The following ADAMTSL3 variants were observed in gnomAD, a reference collection of about 807,000 sequenced individuals.
ADAMTSL3 encodes the protein ADAMTS-like protein 3.
Under a neutral mutation model 201.7 loss-of-function variants are expected in ADAMTSL3, and 128 were observed. The observed-to-expected ratio is 0.63, with a 90% CI of 0.55 to 0.73. ADAMTSL3 has a LOEUF of 0.73. Ranked by LOEUF, ADAMTSL3 falls within the 30% of genes least tolerant of loss-of-function variation. ADAMTSL3 has a pLI of 0.00. For missense variants in ADAMTSL3, 1,990 were observed against 2,119.6 expected (o/e 0.94, Z 1.20); for synonymous variants, 738 against 748.4 (o/e 0.99, Z 0.23).
rs149499512 is a variant in ADAMTSL3 at position 83,858,757 on chromosome 15, C to G, written c.728-9C>G. The G allele has an allele frequency of 1.5e-3, 2,475 of 1,611,034 alleles. 17 individuals are homozygous for G. In the Middle Eastern group the frequency reaches 0.015, roughly 10 times the overall value. ...GGTTTTATTGCAGTTGCGTTCTGTTCTTTCCCAGGAGAAGAAAATGTAATT... is the reference window on the plus strand; with the variant it reads ...GGTTTTATTGCAGTTGCGTTCTGTTGTTTCCCAGGAGAAGAAAATGTAATT... On this transcript the variant is annotated splice_polypyrimidine_tract_variant and intron_variant, in intron 7 of 29. Coordinates refer to ENST00000286744, the MANE Select transcript of ADAMTSL3 (RefSeq NM_207517.3).
In ADAMTSL3 at chr15:84,019,438, T is replaced by G. The variant is rs75636825; in HGVS notation, c.4274-1972T>G. ...AAATGTTCACAAAAAGCTTTGTTCA[T>G]GAATGTTCAACTTATTGATAATAGT... is the stretch of plus-strand genomic sequence containing the variant. On this transcript the variant is annotated intron_variant, in intron 25 of 29. Transcript: ENST00000286744. Among the ~76,000 whole-genome samples the G allele has an allele frequency of 4.7e-3, 714 of 152,308 alleles. 3 individuals carry two copies. The highest frequency in any genetic ancestry group is 0.016 in the African/African-American group (680 of 41,562).
At chr15:83,671,305 C>T (rs192988494) in intron 2 of ADAMTSL3, among the ~76,000 whole-genome samples, 76 of 152,254 alleles carry the variant, frequency 5.0e-4, no homozygotes, top group Admixed American at 1.3e-3. Context: ...TTTTTGGGGG[C>T]AGCCCTTCTT....
At chr15:83,779,697 C>CAA (rs199855902) in intron 4 of ADAMTSL3, among the ~76,000 whole-genome samples, 182 of 71,960 alleles carry the variant, frequency 2.5e-3, no homozygotes, top group African/African-American at 5.3e-3. Context: ...GACTCCATCT[C>CAA]AAAAAAAAAA....
intron 6 of ADAMTSL3, among the ~76,000 whole-genome samples, chr15:83,825,403 G>C (rs1268826413): frequency 6.6e-6 from 1 of 151,958 alleles, no homozygotes; most frequent in Non-Finnish European, 1.5e-5. Context: ...TTAAGCCTAG[G>C]AGTTCGAGAC....
chr15:83,903,961 A>G (rs1196254410), intron 15 of ADAMTSL3, among the ~76,000 whole-genome samples: 1,359 of 70,102 alleles, frequency 0.019, 16 homozygotes, highest in Non-Finnish European at 0.023. Context: ...AGAAAGAAAG[A>G]AAGAAAGAAA....
intron 19 of ADAMTSL3, among the ~76,000 whole-genome samples, chr15:83,965,381 G>C (rs1027231680): frequency 3.4e-5 from 5 of 148,146 alleles, no homozygotes; most frequent in African/African-American, 1.2e-4. Context: ...AGGGGTTGCA[G>C]TCCTAGTCTC....
intron 19 of ADAMTSL3, among the ~76,000 whole-genome samples, chr15:83,950,275 A>G (rs62027811): frequency 0.14 from 21,134 of 152,006 alleles, 1,889 homozygotes; most frequent in Middle Eastern, 0.33. Flanking sequence ...CCTTTCCCCA[A>G]TGTATGATCT....
At chr15:83,818,150 T>C (rs1427042278) in intron 5 of ADAMTSL3, among the ~76,000 whole-genome samples, 1 of 152,216 alleles carries the variant, frequency 6.6e-6, no homozygotes, top group Non-Finnish European at 1.5e-5. Context: ...GACTCAGAAA[T>C]TTTATTTCCA....
chr15:83,724,189 C>T (rs1196336082), intron 3 of ADAMTSL3, among the ~76,000 whole-genome samples: 2 of 151,970 alleles, frequency 1.3e-5, no homozygotes, highest in African/African-American at 2.4e-5. Context: ...ATCTCTGCCT[C>T]TTGGGTTCAA....
intron 8 of ADAMTSL3, chr15:83,862,913 G>T (rs2064896585): frequency 6.6e-6 from 1 of 152,092 alleles, no homozygotes; most frequent in Non-Finnish European, 1.5e-5. Context: ...CAAAATAAAG[G>T]GATGGAGGAA....
At chr15:83,679,117 T>A (rs1403871954) in intron 2 of ADAMTSL3, among the ~76,000 whole-genome samples, 2 of 151,784 alleles carry the variant, frequency 1.3e-5, no homozygotes, top group Admixed American at 6.6e-5. Flanking sequence ...AAAACCTCTA[T>A]CCAGTGAGGT....
At chr15:83,913,526 C>G (rs2063254476) in intron 16 of ADAMTSL3, 148 bp downstream of exon 16, 1 of 866,134 alleles carries the variant, frequency 1.2e-6, no homozygotes, top group Non-Finnish European at 1.7e-6. Context: ...ACTTTTTCTT[C>G]TTTTTCTTTC....
At position 83,922,671 on chromosome 15, in the gene ADAMTSL3, A is replaced by T. The variant is rs201928728; in HGVS notation, c.1988-1233A>T. 1.7e-3 allele frequency among the ~76,000 whole-genome samples: 266 copies of T among 152,356 alleles called. 6 individuals are homozygous for T. In the East Asian group the frequency reaches 0.049, roughly 28 times the overall value. ...TGCAGATTTAATACTGCATCCTGCC[A>T]TGGCAGGGAACATAAAATTACAACT... On this transcript the variant is annotated intron_variant, in intron 16 of 29. Transcript: ENST00000286744.
At chr15:83,700,062 A>G (rs1431619612) in intron 2 of ADAMTSL3, among the ~76,000 whole-genome samples, 2 of 152,246 alleles carry the variant, frequency 1.3e-5, no homozygotes, top group African/African-American at 4.8e-5. Context: ...CATTGTATCT[A>G]TCGCACTGAG....
At chr15:83,885,661 G>A (rs145774747) in intron 10 of ADAMTSL3, among the ~76,000 whole-genome samples, 106 of 152,022 alleles carry the variant, frequency 7.0e-4, no homozygotes, top group African/African-American at 2.3e-3. Context: ...AAGAGTATAA[G>A]CTTATTAAAA....
At position 83,917,442 on chromosome 15, in the gene ADAMTSL3, T is replaced by C. The variant is rs191438381; in HGVS notation, c.1987+4064T>C. 6.6e-5 allele frequency among the ~76,000 whole-genome samples: 10 copies of C among 152,200 alleles called. No homozygotes were observed. The East Asian group carries it at 1.7e-3, about 26-fold the overall frequency. Reference sequence around the variant, plus strand: ...GTGTATGTATGTATGTATGTATGTATGTATGTATGTATGTATATGTATGTA... The same window carrying C: ...GTGTATGTATGTATGTATGTATGTACGTATGTATGTATGTATATGTATGTA... On this transcript the variant is annotated intron_variant, in intron 16 of 29. Transcript: ENST00000286744.
intron 3 of ADAMTSL3, among the ~76,000 whole-genome samples, chr15:83,729,859 G>A (rs1341741813): frequency 6.6e-6 from 1 of 151,968 alleles, no homozygotes; most frequent in Non-Finnish European, 1.5e-5. Context: ...GATATTTATT[G>A]TCGTCTTCTC....
At chr15:83,880,747 T>A (rs1033737356) in intron 9 of ADAMTSL3, among the ~76,000 whole-genome samples, 5 of 152,216 alleles carry the variant, frequency 3.3e-5, no homozygotes, top group African/African-American at 4.8e-5. Context: ...ACTTATGTTA[T>A]AATCATAGGA....
intron 3 of ADAMTSL3, chr15:83,740,150 T>A: frequency 3.7e-6 from 1 of 268,666 alleles, no homozygotes; most frequent in Admixed American, 3.6e-5. Flanking sequence ...TGGACTAAAT[T>A]TGCAAGCTGG....
Sources: allele counts gnomAD v4.1 joint callset (sites outside exome capture counted in the v4.1 genomes callset), GRCh38; gene constraint gnomAD v4.1.1; transcripts MANE v1.5; gene names NCBI Gene and HGNC (gene_info 2026-07-23, HGNC 2026-07-21).